TBCD: variants seen among roughly 807,000 people sequenced by gnomAD.
TBCD encodes the protein tubulin folding cofactor D.
In TBCD, 105 loss-of-function variants were observed where a neutral mutation model predicts 169.3. The ratio of observed to expected loss-of-function variants is 0.62; its 90% CI spans 0.53 to 0.73. TBCD has a LOEUF of 0.73. Among genes scored for constraint, TBCD ranks in the 30% least tolerant of loss-of-function variants. The pLI is 0.00. For synonymous variants in TBCD, 700 were observed against 643.9 expected (o/e 1.09, Z -1.32); for missense variants, 1,444 against 1,600.1 (o/e 0.90, Z 1.66).
At chr17:82,800,792 T>C (rs2050454995) in intron 8 of TBCD, 72 bp from the exon 9 acceptor site, 2 of 1,533,344 alleles carry the variant, frequency 1.3e-6, no homozygotes. Context: ...GCTGTTGGTT[T>C]CGGGGACACA....
intron 7 of TBCD, among the ~76,000 whole-genome samples, chr17:82,788,079 A>G (rs999549736): frequency 3.9e-5 from 6 of 152,152 alleles, no homozygotes; most frequent in African/African-American, 1.4e-4. Flanking sequence ...TCTACTAAAA[A>G]TACAAAAAAT....
intron 13 of TBCD, among the ~76,000 whole-genome samples, chr17:82,823,514 T>TGCACTCCGCCCTGCTCTCCCTC (rs2052579548): frequency 6.6e-6 from 1 of 152,160 alleles, no homozygotes; most frequent in Non-Finnish European, 1.5e-5. Flanking sequence ...TGTTTCGTGT[T>TGCACTCCGCCCTGCTCTCCCTC]GCACTCCGCC....
chr17:82,753,447 C>CTTTTTTTTTTT (rs59839519), intron 1 of TBCD, among the ~76,000 whole-genome samples: 9 of 104,294 alleles, frequency 8.6e-5, no homozygotes, highest in South Asian at 3.3e-4. Context: ...TGGCTTCTTC[C>CTTTTTTTTTTT]TTTTTTTTTT....
intron 12 of TBCD, among the ~76,000 whole-genome samples, chr17:82,811,175 C>T (rs926552317): frequency 1.3e-5 from 2 of 152,188 alleles, no homozygotes; most frequent in Non-Finnish European, 2.9e-5. Flanking sequence ...CATATGTCCT[C>T]CTGTCGCCTG....
At position 82,924,952 on chromosome 17, in the gene TBCD, G is replaced by A. The variant is rs760382473; in HGVS notation, c.2274G>A (p.Thr758=). Reference sequence around the variant, plus strand: ...GCTTCCTTTCAGAGGAGCTGATCACGCAGTACCTGGCTGAGCTTCGGAACC... The same window carrying A: ...GCTTCCTTTCAGAGGAGCTGATCACACAGTACCTGGCTGAGCTTCGGAACC... ...ADPAIQEELI[T]QYLAELRNPE... is the part of the protein sequence containing the mutation. Residue 758 remains threonine, a synonymous_variant, in exon 27 of 39, where the codon ACG becomes ACA. Coordinates refer to ENST00000355528, the MANE Select transcript of TBCD (RefSeq NM_005993.5). 3.8e-6 allele frequency: 6 copies of A among 1,565,126 alleles called. No individual in the cohort carries two copies. The highest frequency in any genetic ancestry group is 4.3e-6 in the Non-Finnish European group (5 of 1,153,838).
chr17:82,790,247 CTGGTGGAGGGTGT>C (rs1343328666), intron 7 of TBCD, among the ~76,000 whole-genome samples: 1 of 152,342 alleles, frequency 6.6e-6, no homozygotes, highest in African/African-American at 2.4e-5. Context: ...AGTAAAGGTG[CTGGTGGAGGGTGT>C]GAGCCATCCA....
intron 37 of TBCD, among the ~76,000 whole-genome samples, chr17:82,940,557 G>A (rs780958163): frequency 1.4e-4 from 22 of 152,298 alleles, no homozygotes; most frequent in Non-Finnish European, 2.2e-4. Flanking sequence ...CCAGGCAGCC[G>A]CTGTGGCCTC....
chr17:82,832,640 T>A lies in TBCD; in HGVS notation c.1318+17706T>A. 1.6e-6 allele frequency: 1 copy of A among 641,220 alleles called. No individual in the cohort carries two copies. The highest frequency in any genetic ancestry group is 2.7e-6 in the Non-Finnish European group (1 of 364,670). The allele number at this position is 641,220 out of a possible 1,614,324, so 39.7% of individuals were successfully genotyped here. On this transcript the variant is annotated intron_variant, in intron 13 of 38. Coordinates refer to ENST00000355528, the MANE Select transcript of TBCD (RefSeq NM_005993.5). This position sits in a 1 kb window ranked among gnomAD's most constrained non-coding sequence, Gnocchi z 4.9. ...TCCGTCATCTGGCGGCTGGGAGCTG[T>A]AATAAAGAGCAGTCTTGGTGTCAGG...
chr17:82,811,252 C>T (rs1403857460), intron 12 of TBCD, among the ~76,000 whole-genome samples: 1 of 152,222 alleles, frequency 6.6e-6, no homozygotes, highest in Non-Finnish European at 1.5e-5. Flanking sequence ...CCTGTCTGGA[C>T]TTTGCCTCTC....
At chr17:82,907,263 A>G (rs2060315629) in intron 20 of TBCD, among the ~76,000 whole-genome samples, 1 of 152,248 alleles carries the variant, frequency 6.6e-6, no homozygotes, top group African/African-American at 2.4e-5. Flanking sequence ...ATGTCAGTGG[A>G]CATGAGCTGT....
rs374576180 is a variant in TBCD at position 82,833,083 on chromosome 17, G to C, written c.1318+18149G>C. On this transcript the variant is annotated intron_variant, in intron 13 of 38. Coordinates refer to ENST00000355528, the MANE Select transcript of TBCD (RefSeq NM_005993.5). This position sits in a 1 kb window ranked among gnomAD's most constrained non-coding sequence, Gnocchi z 4.7. ...GCCCGACTCTGCTTGGGGGTTACAC[G>C]CTTGAAGCAGTGGGTGTGTGATCGG... Among the ~76,000 whole-genome samples, 1 of 152,126 alleles carries C rather than the reference G, an allele frequency of 6.6e-6. No individual in the cohort carries two copies. Among genetic ancestry groups the C allele is most frequent in the African/African-American group, 2.4e-5 (1 of 41,432 alleles).
At chr17:82,822,857 T>C (rs944391021) in intron 13 of TBCD, among the ~76,000 whole-genome samples, 1 of 152,092 alleles carries the variant, frequency 6.6e-6, no homozygotes, top group South Asian at 2.1e-4. Context: ...AGTTATGGAT[T>C]GATGAGTTCA....
At chr17:82,772,704 A>T (rs2048368178) in intron 6 of TBCD, among the ~76,000 whole-genome samples, 197 bp downstream of exon 6, 1 of 152,200 alleles carries the variant, frequency 6.6e-6, no homozygotes, top group Non-Finnish European at 1.5e-5. Flanking sequence ...GACCACCCTC[A>T]GTGGTGGTTT....
chr17:82,886,589 A>C (rs2058718929), intron 15 of TBCD, among the ~76,000 whole-genome samples: 1 of 141,214 alleles, frequency 7.1e-6, no homozygotes, highest in Non-Finnish European at 1.5e-5. Flanking sequence ...TCTGACCTCT[A>C]TTTGTGACTT....
rs74000140 is a variant in TBCD at position 82,874,201 on chromosome 17, T to C, written c.1475+3821T>C. Among the ~76,000 whole-genome samples the C allele has an allele frequency of 0.035, 5,314 of 151,992 alleles. 324 individuals carry two copies. Among genetic ancestry groups the C allele is most frequent in the African/African-American group, 0.12 (5,009 of 41,448 alleles). ...TGACTTCTGTCTGGGGCATGTTGGG[T>C]GGGCGTGCAAGGGGGTCCTGGGACT... is the stretch of plus-strand genomic sequence containing the variant. On this transcript the variant is annotated intron_variant, in intron 14 of 38. Coordinates refer to ENST00000355528, the MANE Select transcript of TBCD (RefSeq NM_005993.5). The surrounding 1 kb of genome is among the most constrained non-coding windows in gnomAD (Gnocchi z 5.0).
chr17:82,783,612 C>A (rs572991358), intron 7 of TBCD, among the ~76,000 whole-genome samples: 9 of 152,346 alleles, frequency 5.9e-5, no homozygotes, highest in Admixed American at 5.2e-4. Flanking sequence ...ACGACACAGC[C>A]TTTTGCGTCT....
chr17:82,850,655 CTGT>C (rs1416118491), intron 13 of TBCD, among the ~76,000 whole-genome samples: 2 of 152,136 alleles, frequency 1.3e-5, no homozygotes, highest in African/African-American at 4.8e-5. Context: ...GTTGGCTGTG[CTGT>C]TGTTGGTTGT....
chr17:82,925,724 G>A (rs1427530491), intron 27 of TBCD, among the ~76,000 whole-genome samples: 1 of 152,168 alleles, frequency 6.6e-6, no homozygotes, highest in South Asian at 2.1e-4. Context: ...TCGCATGTGG[G>A]GGTTTATCCA....
At chr17:82,907,937 G>A (rs2060362042) in intron 21 of TBCD, 116 bp downstream of exon 21, 3 of 1,120,912 alleles carry the variant, frequency 2.7e-6, no homozygotes, top group Non-Finnish European at 3.8e-6. Flanking sequence ...TGCTCCATCA[G>A]TCCTGGGCTC....
Sources: allele counts gnomAD v4.1 joint callset (sites outside exome capture counted in the v4.1 genomes callset), GRCh38; gene constraint gnomAD v4.1.1; non-coding constraint Gnocchi (gnomAD v3.1); transcripts MANE v1.5; gene names NCBI Gene and HGNC (gene_info 2026-07-23, HGNC 2026-07-21).